SIK3: variants seen among roughly 807,000 people sequenced by gnomAD.
SIK3 encodes the protein SIK family kinase 3, also known as serine/threonine-protein kinase SIK3.
A neutral mutation model predicts 144.2 loss-of-function variants in SIK3; 28 were observed. The observed-to-expected ratio is 0.19, with a 90% confidence interval of 0.14 to 0.27. The LOEUF (loss-of-function observed/expected upper bound fraction) is 0.27. Among genes scored for constraint, SIK3 ranks in the 10% least tolerant of loss-of-function variants. SIK3 has a pLI of 1.00. For synonymous variants in SIK3, 686 were observed against 676.3 expected (o/e 1.01, Z -0.22); for missense variants, 1,319 against 1,776.0 (o/e 0.74, Z 4.62).
intron 1 of SIK3, among the ~76,000 whole-genome samples, chr11:116,994,797 T>C (rs1456480699): frequency 6.6e-6 from 1 of 152,178 alleles, no homozygotes; most frequent in Non-Finnish European, 1.5e-5. Flanking sequence ...ACGCTACCTA[T>C]ACAATTATTA....
intron 1 of SIK3, among the ~76,000 whole-genome samples, chr11:117,009,553 C>CAA (rs528305621): frequency 3.6e-4 from 47 of 131,020 alleles, no homozygotes; most frequent in African/African-American, 1.1e-3. Flanking sequence ...AAGCAGGTCT[C>CAA]AAAAAAAAAA....
chr11:116,961,232 T>TA (rs1279516848), intron 1 of SIK3, among the ~76,000 whole-genome samples: 17 of 152,150 alleles, frequency 1.1e-4, no homozygotes, highest in Admixed American at 6.6e-5. Context: ...GGAGAGAACT[T>TA]ACTGTTGCTT....
intron 1 of SIK3, among the ~76,000 whole-genome samples, chr11:117,011,377 T>G (rs1951246497): frequency 1.3e-5 from 2 of 152,216 alleles, no homozygotes; most frequent in Admixed American, 6.5e-5. Context: ...AGTATGAGTG[T>G]ATTACGATTA....
intron 1 of SIK3, among the ~76,000 whole-genome samples, chr11:117,021,890 G>C (rs1591552512): frequency 8.7e-6 from 1 of 115,244 alleles, no homozygotes; most frequent in Middle Eastern, 9.8e-3. Context: ...CAACGTGTTT[G>C]AGACCACCCT....
chr11:117,008,861 A>G (rs1336632874), intron 1 of SIK3, among the ~76,000 whole-genome samples: 1 of 152,216 alleles, frequency 6.6e-6, no homozygotes, highest in Non-Finnish European at 1.5e-5. Context: ...CCAAAAGTAC[A>G]GAAACTAACC....
chr11:116,878,381 CTTT>C (rs35807799), intron 6 of SIK3, among the ~76,000 whole-genome samples: 14 of 144,194 alleles, frequency 9.7e-5, no homozygotes, highest in Non-Finnish European at 9.1e-5. Flanking sequence ...CTCTCTCTCC[CTTT>C]TTTTTTTTTT....
At chr11:116,924,876 T>A (rs1221880187) in intron 4 of SIK3, among the ~76,000 whole-genome samples, 1 of 152,212 alleles carries the variant, frequency 6.6e-6, no homozygotes, top group Non-Finnish European at 1.5e-5. Context: ...AGCCTTACAG[T>A]GACATCTGTG....
intron 1 of SIK3, among the ~76,000 whole-genome samples, chr11:116,979,863 AAAAG>A (rs1457852961): frequency 6.6e-6 from 1 of 152,100 alleles, no homozygotes; most frequent in Non-Finnish European, 1.5e-5. Flanking sequence ...ACAAAGAAAA[AAAAG>A]AGAGAGAGAG....
chr11:116,864,980 A>G (rs1370052701), intron 15 of SIK3: 1 of 152,250 alleles, frequency 6.6e-6, no homozygotes, highest in Admixed American at 6.5e-5. Context: ...CTTTTGTTTC[A>G]GACTCTACCT....
intron 4 of SIK3, among the ~76,000 whole-genome samples, chr11:116,914,357 T>C (rs552284758): frequency 6.6e-6 from 1 of 152,046 alleles, no homozygotes; most frequent in Non-Finnish European, 1.5e-5. Flanking sequence ...TACAGGCATG[T>C]GCCACCACAG....
intron 3 of SIK3, among the ~76,000 whole-genome samples, chr11:116,931,179 C>A (rs574933674): frequency 6.6e-6 from 1 of 152,098 alleles, no homozygotes; most frequent in Admixed American, 6.5e-5. Flanking sequence ...ACATACCCGA[C>A]GAAGAGTAAT....
chr11:116,862,385 T>C (rs1943391197), intron 16 of SIK3, 58 bp from the exon 17 acceptor site: 5 of 1,608,664 alleles, frequency 3.1e-6, no homozygotes. Flanking sequence ...CATGCAGTGA[T>C]TTCAGCAGAT....
At chr11:117,055,420 A>G (rs1244651792) in intron 1 of SIK3, among the ~76,000 whole-genome samples, 1 of 152,250 alleles carries the variant, frequency 6.6e-6, no homozygotes, top group African/African-American at 2.4e-5. Flanking sequence ...TTACTTACAG[A>G]GAAAGAAACA....
intron 4 of SIK3, among the ~76,000 whole-genome samples, chr11:116,916,693 G>C (rs918980506): frequency 6.6e-6 from 1 of 151,074 alleles, no homozygotes; most frequent in Middle Eastern, 3.2e-3. Flanking sequence ...TGTATTTTTA[G>C]TAGAGACGGG....
intron 4 of SIK3, among the ~76,000 whole-genome samples, chr11:116,906,185 T>G (rs142869190): frequency 6.6e-6 from 1 of 152,072 alleles, no homozygotes; most frequent in African/African-American, 2.4e-5. Context: ...AGATGAGATA[T>G]TGAAAATGAA....
intron 13 of SIK3, among the ~76,000 whole-genome samples, chr11:116,871,414 G>A (rs976486171): frequency 3.9e-5 from 6 of 152,270 alleles, no homozygotes; most frequent in Admixed American, 1.3e-4. Context: ...GGCTGTAGAT[G>A]AGGCAGGAGA....
intron 3 of SIK3, among the ~76,000 whole-genome samples, chr11:116,942,757 AG>A (rs1282222577): frequency 6.6e-6 from 1 of 152,226 alleles, no homozygotes; most frequent in Non-Finnish European, 1.5e-5. Context: ...TGCCGATGTG[AG>A]GAGGAGAGTG....
chr11:116,968,240 T>G (rs1282863356), intron 1 of SIK3, among the ~76,000 whole-genome samples: 137 of 152,304 alleles, frequency 9.0e-4, no homozygotes, highest in Non-Finnish European at 2.9e-5. Context: ...CCTCCTGGGT[T>G]CGGGCAATTC....
chr11:116,980,993 T>C (rs1950121264), intron 1 of SIK3, among the ~76,000 whole-genome samples: 1 of 152,212 alleles, frequency 6.6e-6, no homozygotes, highest in South Asian at 2.1e-4. Flanking sequence ...TTTAAGAGTC[T>C]CCTCATCATA....
Sources: allele counts gnomAD v4.1 joint callset (sites outside exome capture counted in the v4.1 genomes callset), GRCh38; gene constraint gnomAD v4.1.1; transcripts MANE v1.5; gene names NCBI Gene and HGNC (gene_info 2026-07-23, HGNC 2026-07-21).